GPC5: variants seen among roughly 807,000 people sequenced by gnomAD.
GPC5 encodes glypican-5.
Under a neutral mutation model 53.9 loss-of-function variants are expected in GPC5, and 47 were observed. That is an observed-to-expected ratio of 0.87 (90% CI 0.69 to 1.11). The LOEUF (loss-of-function observed/expected upper bound fraction) is 1.11, where lower values mean the gene tolerates loss of function less well. Ranked by LOEUF, GPC5 falls within the 50% of genes most tolerant of loss-of-function variation. The pLI, the probability that GPC5 is intolerant of heterozygous loss-of-function variation, is 0.00. For missense variants in GPC5, 748 were observed against 713.1 expected, an observed-to-expected ratio of 1.05 and a Z score of -0.56; for synonymous variants, 286 against 263.3, an observed-to-expected ratio of 1.09 and a Z score of -0.84.
At chr13:92,678,996 T>A (rs759616257) in intron 7 of GPC5, among the ~76,000 whole-genome samples, 3 of 152,060 alleles carry the variant, frequency 2.0e-5, no homozygotes, top group Non-Finnish European at 2.9e-5. Context: ...ATTAATATAA[T>A]GGAAAAGGTG....
chr13:91,791,000 T>C (rs1336403484), intron 5 of GPC5, among the ~76,000 whole-genome samples: 1 of 152,158 alleles, frequency 6.6e-6, no homozygotes, highest in South Asian at 2.1e-4. Flanking sequence ...TAGAAAAGAG[T>C]GATGCTCCTT....
At chr13:91,713,919 C>T (rs2036280770) in intron 3 of GPC5, among the ~76,000 whole-genome samples, 1 of 151,998 alleles carries the variant, frequency 6.6e-6, no homozygotes, top group South Asian at 2.1e-4. Context: ...GTAGATATGT[C>T]CTAGTTAGTC....
chr13:91,819,155 T>G (rs1341546911), intron 5 of GPC5, among the ~76,000 whole-genome samples: 2 of 89,324 alleles, frequency 2.2e-5, no homozygotes, highest in Non-Finnish European at 4.8e-5. Context: ...TATGCGCTTT[T>G]TTTTTTTTTT....
chr13:91,399,163 G>A lies in GPC5; in HGVS notation c.117G>A (p.Trp39Ter). The A allele has an allele frequency of 6.2e-7, 1 of 1,613,018 alleles. No homozygotes were observed. The highest frequency in any genetic ancestry group is 8.5e-7 in the Non-Finnish European group (1 of 1,179,744). ...AAGAAGTTCGGAAACTTTTCCAGTG[G>A]CGGCTGCTGGGAGCTGTCAGGGGGC... ...TCEEVRKLFQ[W>*]RLLGAVRGLP... The change falls in exon 1 of 8, where the codon TGG (tryptophan) becomes TGA (stop). Residue 39 changes from tryptophan (W) to a stop codon, truncating the protein, a stop_gained. Transcript: ENST00000377067. LOFTEE classifies it high-confidence loss of function.
At chr13:92,417,638 A>T (rs1288092657) in intron 7 of GPC5, among the ~76,000 whole-genome samples, 1 of 152,122 alleles carries the variant, frequency 6.6e-6, no homozygotes, top group Non-Finnish European at 1.5e-5. Context: ...TTTGGGAGGA[A>T]CAGGCAGGTG....
intron 6 of GPC5, among the ~76,000 whole-genome samples, chr13:92,003,935 G>T (rs1387070265): frequency 6.6e-6 from 1 of 152,154 alleles, no homozygotes; most frequent in African/African-American, 2.4e-5. Flanking sequence ...TCTCACTGCT[G>T]CCAGAAGTGG....
chr13:92,750,088 A>G (rs1889343164), intron 7 of GPC5, among the ~76,000 whole-genome samples: 1 of 152,180 alleles, frequency 6.6e-6, no homozygotes, highest in Admixed American at 6.5e-5. Context: ...CTCCTAATGG[A>G]GCATTTGAAT....
Position 92,476,794 on chromosome 13 carries a change from A to G in GPC5, c.1561+331805A>G, listed in dbSNP as rs1469477375. On this transcript the variant is annotated intron_variant, in intron 7 of 7. Coordinates refer to ENST00000377067, the MANE Select transcript of GPC5 (RefSeq NM_004466.6). ...TCATTCTCAGTAAACTATCACAAGA[A>G]CAAAAAACCAAACACCGCATATTCT... is the stretch of plus-strand genomic sequence containing the variant. Among the ~76,000 whole-genome samples the G allele has an allele frequency of 5.4e-5, 8 of 148,186 alleles. No individual in the cohort carries two copies. The East Asian group carries it at 1.6e-3, about 30-fold the overall frequency.
intron 7 of GPC5, among the ~76,000 whole-genome samples, chr13:92,648,698 C>A (rs1885852549): frequency 6.6e-6 from 1 of 152,068 alleles, no homozygotes; most frequent in Admixed American, 6.6e-5. Flanking sequence ...TAGAACAAAA[C>A]TCAAGTTGTT....
chr13:91,907,052 C>T (rs1265582870), intron 5 of GPC5, among the ~76,000 whole-genome samples: 1 of 147,774 alleles, frequency 6.8e-6, no homozygotes, highest in South Asian at 2.1e-4. Flanking sequence ...TAAAGAATAA[C>T]ATAACAGTGC....
intron 6 of GPC5, among the ~76,000 whole-genome samples, chr13:91,923,752 T>A (rs2039740180): frequency 6.6e-6 from 1 of 152,132 alleles, no homozygotes; most frequent in African/African-American, 2.4e-5. Flanking sequence ...TTAAATTATA[T>A]ATCTGGGAAT....
rs144660136 is a variant in GPC5 at position 92,662,498 on chromosome 13, G to T, written c.1562-203784G>T. Among the ~76,000 whole-genome samples the T allele has an allele frequency of 4.3e-4, 65 of 152,156 alleles. No homozygotes were observed. The East Asian group carries it at 0.012, about 28-fold the overall frequency. On this transcript the variant is annotated intron_variant, in intron 7 of 7. Transcript: ENST00000377067. ...CCACTGTCTTCATCAAAAGTCTTCA[G>T]TGTCCCCCTGTTGTCTTTTAAGCAA...
intron 6 of GPC5, among the ~76,000 whole-genome samples, chr13:91,935,114 G>A (rs530463156): frequency 7.2e-5 from 11 of 152,022 alleles, no homozygotes; most frequent in South Asian, 2.1e-4. Flanking sequence ...GCAGCAGGTC[G>A]TAACAGTACT....
At chr13:92,785,179 G>A (rs957890105) in intron 7 of GPC5, among the ~76,000 whole-genome samples, 4 of 152,138 alleles carry the variant, frequency 2.6e-5, no homozygotes, top group African/African-American at 7.2e-5. Flanking sequence ...GGGAGGCTGA[G>A]GCACGAGAAT....
chr13:91,572,213 GTATATATATACACATA>G (rs1566517643), intron 2 of GPC5, among the ~76,000 whole-genome samples: 944 of 84,514 alleles, frequency 0.011, 46 homozygotes, highest in African/African-American at 0.053. Flanking sequence ...ATATATACGT[GTATATATATACACATA>G]TGTATATACA....
At chr13:92,214,779 G>GATT (rs1217282977) in intron 7 of GPC5, among the ~76,000 whole-genome samples, 2 of 152,224 alleles carry the variant, frequency 1.3e-5, no homozygotes, top group Non-Finnish European at 2.9e-5. Flanking sequence ...CTGCCCTTGA[G>GATT]ATTAGTCTGC....
At chr13:92,315,663 A>T (rs2043174113) in intron 7 of GPC5, among the ~76,000 whole-genome samples, 1 of 152,218 alleles carries the variant, frequency 6.6e-6, no homozygotes, top group Non-Finnish European at 1.5e-5. Flanking sequence ...TAAAAATGTA[A>T]ACTCAAGTTT....
intron 2 of GPC5, among the ~76,000 whole-genome samples, chr13:91,570,760 C>T (rs1167487716): frequency 6.6e-6 from 1 of 152,126 alleles, no homozygotes; most frequent in Non-Finnish European, 1.5e-5. Context: ...GATTTCCAAA[C>T]TCATCAACCA....
intron 7 of GPC5, among the ~76,000 whole-genome samples, chr13:92,420,803 T>A (rs929926028): frequency 1.3e-5 from 2 of 152,200 alleles, no homozygotes; most frequent in African/African-American, 4.8e-5. Flanking sequence ...TCTATCCATG[T>A]TGTTGGAAAT....
Sources: gnomAD v4.1 joint callset for allele counts (sites outside exome capture counted in the v4.1 genomes callset) on GRCh38, gnomAD v4.1.1 for gene constraint, MANE v1.5 for transcripts, NCBI Gene and HGNC (gene_info 2026-07-23, HGNC 2026-07-21) for gene names.